The following ARID4B variants were observed in gnomAD, a reference collection of about 807,000 sequenced individuals.
ARID4B encodes AT-rich interactive domain-containing protein 4B.
In ARID4B, 26 loss-of-function variants were observed where a neutral mutation model predicts 147.5. That is an observed-to-expected ratio of 0.18 (90% CI 0.13 to 0.24). ARID4B has a LOEUF of 0.24. ARID4B is among the 10% of genes least tolerant of loss of function. The probability of loss-of-function intolerance (pLI) is 1.00; values close to 1 mark genes in which losing one functional copy is unlikely to be tolerated. For synonymous variants in ARID4B, 512 were observed against 507.9 expected (o/e 1.01, Z -0.11); for missense variants, 1,179 against 1,511.5 (o/e 0.78, Z 3.65).
chr1:235,284,947 A>G (rs1671881609), intron 2 of ARID4B, among the ~76,000 whole-genome samples: 1 of 152,012 alleles, frequency 6.6e-6, no homozygotes, highest in Non-Finnish European at 1.5e-5. Flanking sequence ...TCTATCACCC[A>G]GGCTGCAGTT....
At chr1:235,322,891 G>C (rs778813667) in intron 2 of ARID4B, among the ~76,000 whole-genome samples, 9 of 152,064 alleles carry the variant, frequency 5.9e-5, no homozygotes, top group Non-Finnish European at 5.9e-5. Flanking sequence ...GGGGGAGAGA[G>C]AGAGAGAACA....
Position 235,257,273 on chromosome 1 carries a change from CA to C in ARID4B, c.118-49del, listed in dbSNP as rs762175398. 1.1e-5 allele frequency: 14 copies of C among 1,224,258 alleles called. No homozygotes were observed. In the East Asian group the frequency reaches 3.2e-4, roughly 28 times the overall value. 75.8% of individuals were successfully genotyped at this position (1,224,258 alleles called of 1,614,324 possible). On this transcript the variant is annotated intron_variant, in intron 3 of 23. Transcript: ENST00000264183. ...GCCACCAAAAATAAACCAAGCAACA[CA>C]AGCTCATCAATGCACCAATTATTCA...
chr1:235,187,077 CTTTTTTTTTT>C (rs11335836), intron 19 of ARID4B: 1 of 266,876 alleles, frequency 3.7e-6, no homozygotes, highest in South Asian at 2.7e-5. Context: ...GCATCTTATT[CTTTTTTTTTT>C]TTTTTTTTTT....
chr1:235,193,000 G>A (rs1665223824), intron 19 of ARID4B, among the ~76,000 whole-genome samples: 1 of 152,132 alleles, frequency 6.6e-6, no homozygotes, highest in Admixed American at 6.5e-5. Context: ...AGCTGAGACA[G>A]GAGAACAGTG....
At chr1:235,191,976 G>A (rs1180243968) in intron 19 of ARID4B, among the ~76,000 whole-genome samples, 1 of 152,088 alleles carries the variant, frequency 6.6e-6, no homozygotes, top group Non-Finnish European at 1.5e-5. Flanking sequence ...TACTTAGGAG[G>A]CTGAGATGGA....
chr1:235,209,290 G>GT (rs1392610230), intron 17 of ARID4B, among the ~76,000 whole-genome samples: 2 of 152,104 alleles, frequency 1.3e-5, no homozygotes, highest in Non-Finnish European at 2.9e-5. Flanking sequence ...GGTCAACATG[G>GT]TGAAACCCCA....
intron 23 of ARID4B, among the ~76,000 whole-genome samples, chr1:235,171,844 G>T (rs1386437867): frequency 6.6e-6 from 1 of 152,034 alleles, no homozygotes; most frequent in Non-Finnish European, 1.5e-5. Context: ...GTTTCACTAT[G>T]TTGGCCAAGC....
intron 5 of ARID4B, 107 bp from the exon 6 acceptor site, chr1:235,252,916 T>C: frequency 1.3e-6 from 1 of 758,164 alleles, no homozygotes; most frequent in African/African-American, 1.8e-5. Flanking sequence ...TATTTAAGAC[T>C]ACATTTGGAA....
intron 17 of ARID4B, among the ~76,000 whole-genome samples, chr1:235,206,378 G>T (rs1666308838): frequency 6.6e-6 from 1 of 152,052 alleles, no homozygotes; most frequent in Non-Finnish European, 1.5e-5. Context: ...TTATATTCCA[G>T]ATCAAATTCC....
chr1:235,250,015 C>G (rs150973180), intron 6 of ARID4B, among the ~76,000 whole-genome samples: 2,876 of 149,992 alleles, frequency 0.019, 69 homozygotes, highest in African/African-American at 0.055. Flanking sequence ...GCTGAGGCAG[C>G]AGAATGGCGT....
chr1:235,241,321 T>C (rs929166891), intron 7 of ARID4B, among the ~76,000 whole-genome samples: 16 of 152,214 alleles, frequency 1.1e-4, no homozygotes, highest in Admixed American at 3.3e-4. Flanking sequence ...TTTCAGATAG[T>C]TTGCAATGAT....
chr1:235,327,057 A>C (rs527576120), intron 1 of ARID4B, 89 bp from the exon 2 acceptor site: 7 of 887,780 alleles, frequency 7.9e-6, no homozygotes, highest in African/African-American at 3.7e-5. Flanking sequence ...GCGACGTCCG[A>C]ACCCCGAAGA....
At chr1:235,231,325 T>C in intron 9 of ARID4B, 136 bp from the exon 10 acceptor site, 2 of 546,844 alleles carry the variant, frequency 3.7e-6, no homozygotes, top group South Asian at 3.1e-5. Flanking sequence ...TAAAAGTGAT[T>C]GCACACAGAG....
intron 2 of ARID4B, among the ~76,000 whole-genome samples, chr1:235,323,143 C>A (rs1423469669): frequency 6.6e-6 from 1 of 151,310 alleles, no homozygotes; most frequent in African/African-American, 2.4e-5. Flanking sequence ...TAGGTTCAAG[C>A]GATCCTACCT....
chr1:235,255,654 T>C lies in ARID4B; in HGVS notation c.274+6A>G, dbSNP rs1669938165. 1 of 1,554,276 alleles carries C rather than the reference T, an allele frequency of 6.4e-7. No individual in the cohort carries two copies. The highest frequency in any genetic ancestry group is 8.7e-7 in the Non-Finnish European group (1 of 1,150,766). ...CACATTTTTAAAAGAAAATTTATTT[T>C]CTTACCTACAGTGTACCAACTCGCA... On this transcript the variant is annotated splice_donor_region_variant and intron_variant, in intron 5 of 23. Transcript: ENST00000264183.
chr1:235,230,994 A>T (rs1340401979), intron 10 of ARID4B, 119 bp downstream of exon 10: 3 of 686,164 alleles, frequency 4.4e-6, no homozygotes, highest in Non-Finnish European at 7.4e-6. Context: ...CAAGGAACCA[A>T]ATATAACCAT....
chr1:235,327,158 A>G, intron 1 of ARID4B, 190 bp from the exon 2 acceptor site: 1 of 530,026 alleles, frequency 1.9e-6, no homozygotes, highest in Non-Finnish European at 3.4e-6. Flanking sequence ...CCAACCACCT[A>G]CACAGCTCGG....
intron 2 of ARID4B, among the ~76,000 whole-genome samples, chr1:235,297,292 TAAAAG>T (rs978104442): frequency 1.3e-5 from 2 of 151,882 alleles, no homozygotes; most frequent in African/African-American, 4.8e-5. Context: ...CTAAAAATAA[TAAAAG>T]AAAGAAGAAA....
chr1:235,174,050 T>A (rs1288649556), intron 22 of ARID4B, among the ~76,000 whole-genome samples: 1 of 151,284 alleles, frequency 6.6e-6, no homozygotes, highest in Non-Finnish European at 1.5e-5. Context: ...ATCTTTTTTT[T>A]TTTTTCTGGG....
Sources: gnomAD v4.1 joint callset for allele counts (sites outside exome capture counted in the v4.1 genomes callset) on GRCh38, gnomAD v4.1.1 for gene constraint, MANE v1.5 for transcripts, NCBI Gene and HGNC (gene_info 2026-07-23, HGNC 2026-07-21) for gene names.